Variants in FKBP5 observed in about 807,000 individuals in gnomAD.
FKBP5 encodes peptidyl-prolyl cis-trans isomerase FKBP5.
In FKBP5, 23 loss-of-function variants were observed where a neutral mutation model predicts 50.5. The ratio of observed to expected loss-of-function variants is 0.46; its 90% CI spans 0.33 to 0.65. The LOEUF (loss-of-function observed/expected upper bound fraction) is 0.65. Ranked by LOEUF, FKBP5 falls within the 30% of genes least tolerant of loss-of-function variation. The probability of loss-of-function intolerance (pLI) is 0.02; values close to 1 mark genes in which losing one functional copy is unlikely to be tolerated. For synonymous variants in FKBP5, 176 were observed against 190.6 expected (o/e 0.92, Z 0.63); for missense variants, 411 against 553.1 (o/e 0.74, Z 2.58).
intron 1 of FKBP5, among the ~76,000 whole-genome samples, chr6:35,684,444 C>T (rs1765766116): frequency 6.6e-6 from 1 of 152,154 alleles, no homozygotes; most frequent in Non-Finnish European, 1.5e-5. Context: ...TCCCAAAGTG[C>T]TGGCATTACA....
intron 1 of FKBP5, among the ~76,000 whole-genome samples, chr6:35,682,191 T>C (rs1765686616): frequency 1.3e-5 from 2 of 152,212 alleles, no homozygotes; most frequent in Non-Finnish European, 2.9e-5. Flanking sequence ...AAAATATGTG[T>C]TCAGATTACA....
chr6:35,587,651 G>A (rs1224649300), intron 7 of FKBP5, among the ~76,000 whole-genome samples: 1 of 152,232 alleles, frequency 6.6e-6, no homozygotes, highest in Non-Finnish European at 1.5e-5. Flanking sequence ...ACTTGCAGAT[G>A]TATACTGGGG....
intron 1 of FKBP5, among the ~76,000 whole-genome samples, chr6:35,683,373 A>C (rs560057775): frequency 4.6e-5 from 7 of 152,008 alleles, no homozygotes; most frequent in Non-Finnish European, 1.0e-4. Context: ...GCTGGTCTCT[A>C]ACTCCTGGGC....
At chr6:35,700,815 C>T (rs1167662770) in intron 2 of FKBP5, among the ~76,000 whole-genome samples, 3 of 151,938 alleles carry the variant, frequency 2.0e-5, no homozygotes, top group Non-Finnish European at 4.4e-5. Context: ...ACAAATTAGC[C>T]GGGCATGGTG....
At chr6:35,651,831 GT>G in intron 1 of FKBP5, 2 of 709,562 alleles carry the variant, frequency 2.8e-6, no homozygotes, top group Non-Finnish European at 3.9e-6. Flanking sequence ...ATACTACACT[GT>G]TTTTGTTTAA....
chr6:35,627,558 A>G (rs1170208028), intron 3 of FKBP5, among the ~76,000 whole-genome samples: 2 of 152,170 alleles, frequency 1.3e-5, no homozygotes, highest in African/African-American at 4.8e-5. Context: ...TTTTTCTCCC[A>G]TTCCATAGGC....
At chr6:35,666,719 T>C (rs1765239550) in intron 1 of FKBP5, among the ~76,000 whole-genome samples, 1 of 151,816 alleles carries the variant, frequency 6.6e-6, no homozygotes, top group African/African-American at 2.4e-5. Flanking sequence ...TGAAACCCCG[T>C]CTCTACTAAA....
rs1249530445 is a variant in FKBP5, at chr6:35,660,355, GC to G, written c.-19-17513del. On this transcript the variant is annotated intron_variant, in intron 1 of 10. Transcript: ENST00000357266. The stretch of plus-strand genomic sequence containing the variant: ...GCAATCTCAGCTCACCGCAACCCGT[GC>G]CTCCCAGGTTCAAGCGATTCTCCTG... Among the ~76,000 whole-genome samples the G allele has an allele frequency of 2.8e-5, 2 of 70,540 alleles. 1 individual carries two copies. Among genetic ancestry groups the G allele is most frequent in the Non-Finnish European group, 6.1e-5 (2 of 32,814 alleles). 46.3% of individuals were successfully genotyped at this position (70,540 alleles called of 152,430 possible).
chr6:35,728,329 C>T (rs184711840), intron 1 of FKBP5, among the ~76,000 whole-genome samples: 138 of 152,280 alleles, frequency 9.1e-4, no homozygotes, highest in African/African-American at 3.2e-3. Context: ...GCGAGACCTC[C>T]ACGTGGCCGG....
intron 3 of FKBP5, among the ~76,000 whole-genome samples, chr6:35,620,817 A>C (rs1019621600): frequency 1.3e-5 from 2 of 152,194 alleles, no homozygotes; most frequent in African/African-American, 4.8e-5. Flanking sequence ...TCAAAAATTA[A>C]GTCTTTGAAA....
At chr6:35,597,960 A>G (rs78596668) in intron 5 of FKBP5, among the ~76,000 whole-genome samples, 2,016 of 152,344 alleles carry the variant, frequency 0.013, 23 homozygotes, top group Non-Finnish European at 0.022. Context: ...AACAACATCA[A>G]TAACTATCTT....
chr6:35,700,601 T>C (rs191175989), intron 2 of FKBP5, among the ~76,000 whole-genome samples: 1 of 152,272 alleles, frequency 6.6e-6, no homozygotes, highest in East Asian at 1.9e-4. Context: ...GATTGGCAAA[T>C]GCACTTGGGC....
chr6:35,626,045 C>T (rs1011731851), intron 3 of FKBP5, among the ~76,000 whole-genome samples: 1 of 152,076 alleles, frequency 6.6e-6, no homozygotes, highest in African/African-American at 2.4e-5. Flanking sequence ...TCCCAAAGTG[C>T]TGGGATTACA....
chr6:35,623,626 AT>A, intron 3 of FKBP5, among the ~76,000 whole-genome samples: 1 of 151,922 alleles, frequency 6.6e-6, no homozygotes, highest in South Asian at 2.1e-4. Flanking sequence ...CTGGAGTGCA[AT>A]GATGTGAGTA....
In FKBP5 at chr6:35,620,287, A is replaced by T. The variant is rs1381331553; in HGVS notation, c.251-13T>A. On this transcript the variant is annotated splice_polypyrimidine_tract_variant and intron_variant, in intron 3 of 10. Coordinates refer to ENST00000357266, the MANE Select transcript of FKBP5 (RefSeq NM_004117.4). ...TTGATGACTTGGCCTAAGGGAAAGG[A>T]AAAGGTAGTTGAAAGCTATAAGCCC... is the stretch of plus-strand genomic sequence containing the variant. The T allele has an allele frequency of 6.2e-7, 1 of 1,612,772 alleles. No individual in the cohort carries two copies. The highest frequency in any genetic ancestry group is 1.3e-5 in the African/African-American group (1 of 74,868).
At chr6:35,583,028 A>C in intron 8 of FKBP5, 1 of 941,136 alleles carries the variant, frequency 1.1e-6, no homozygotes, top group African/African-American at 1.8e-5. Context: ...TCGAAGCTGC[A>C]GTTAGCTATG....
At chr6:35,680,450 C>A (rs1274320453) in intron 1 of FKBP5, among the ~76,000 whole-genome samples, 1 of 152,082 alleles carries the variant, frequency 6.6e-6, no homozygotes, top group Non-Finnish European at 1.5e-5. Context: ...ACAAAAAGAA[C>A]CAATATCCAT....
chr6:35,633,413 C>T (rs968672243), intron 3 of FKBP5, among the ~76,000 whole-genome samples: 16 of 151,764 alleles, frequency 1.1e-4, no homozygotes, highest in South Asian at 1.0e-3. Context: ...CGTGGTGGGG[C>T]GCGCCTGAAG....
chr6:35,616,107 G>A (rs748047946), intron 5 of FKBP5, among the ~76,000 whole-genome samples: 1 of 152,096 alleles, frequency 6.6e-6, no homozygotes, highest in Non-Finnish European at 1.5e-5. Context: ...AAGGTCAGGA[G>A]CTTGAGGACC....
Sources: gnomAD v4.1 joint callset for allele counts (sites outside exome capture counted in the v4.1 genomes callset) on GRCh38, gnomAD v4.1.1 for gene constraint, MANE v1.5 for transcripts, NCBI Gene and HGNC (gene_info 2026-07-23, HGNC 2026-07-21) for gene names.